Variants in COL6A1 observed in about 807,000 individuals in gnomAD.
COL6A1 encodes collagen alpha-1(VI) chain.
COL6A1 carries 80 observed loss-of-function variants against 145.6 expected under a neutral mutation model. The ratio of observed to expected loss-of-function variants is 0.55; its 90% CI spans 0.46 to 0.66. The LOEUF is 0.66. Among genes scored for constraint, COL6A1 ranks in the 30% least tolerant of loss-of-function variants. The pLI is 0.00. For missense variants in COL6A1, 1,364 were observed against 1,473.8 expected (o/e 0.93, Z 1.22); for synonymous variants, 638 against 622.8 (o/e 1.02, Z -0.36).
rs1003093879 is a variant in COL6A1 at position 45,982,087 on chromosome 21, C to T, written c.97+140C>T. 8.1e-6 allele frequency: 6 copies of T among 740,494 alleles called. No individual in the cohort carries two copies. In the African/African-American group the frequency reaches 8.8e-5, roughly 11 times the overall value. The allele number at this position is 740,494 out of a possible 1,614,324, so 45.9% of individuals were successfully genotyped here. A position where few individuals can be genotyped will look rare whatever the true frequency, so the allele number is the denominator to read the frequency against. On this transcript the variant is annotated intron_variant, in intron 1 of 34. Transcript: ENST00000361866. ...CCTGAACCCCACTCCCCGCTCGGGGCGGCTGCAGCGCCCAGCTCTGCCCCA... is the reference window on the plus strand; with the variant it reads ...CCTGAACCCCACTCCCCGCTCGGGGTGGCTGCAGCGCCCAGCTCTGCCCCA...
chr21:46,003,431 C>T lies in COL6A1; in HGVS notation c.2505C>T (p.Asp835=), dbSNP rs569497612. Residue 835 remains aspartate (D), a synonymous_variant, in exon 35 of 35, where the codon GAC becomes GAT. Coordinates refer to ENST00000361866, the MANE Select transcript of COL6A1 (RefSeq NM_001848.3). ...CGGCTGACATCACCATCCTGCTGGA[C>T]GGCTCCGCCAGCGTGGGCAGCCACA... is the stretch of plus-strand genomic sequence containing the variant. ...SSPADITILL[D]GSASVGSHNF... 23 of 1,602,998 alleles carry T rather than the reference C, an allele frequency of 1.4e-5. No homozygotes were observed. The highest frequency in any genetic ancestry group is 1.7e-4 in the Middle Eastern group (1 of 6,056).
At chr21:45,992,110 G>C (rs1287605210) in intron 16 of COL6A1, 38 bp downstream of exon 16, 1 of 1,613,510 alleles carries the variant, frequency 6.2e-7, no homozygotes, top group East Asian at 2.2e-5. Context: ...GCCAGGTATG[G>C]GCCCAGGGAG....
intron 2 of COL6A1, 123 bp from the exon 3 acceptor site, chr21:45,984,146 G>T: frequency 2.0e-6 from 2 of 1,013,170 alleles, no homozygotes; most frequent in Non-Finnish European, 3.0e-6. Flanking sequence ...GGCAAGTCCA[G>T]CTGTGTGTCA....
At chr21:45,984,965 AAG>A (rs1295920816) in intron 3 of COL6A1, among the ~76,000 whole-genome samples, 5 of 141,790 alleles carry the variant, frequency 3.5e-5, no homozygotes, top group African/African-American at 1.1e-4. Flanking sequence ...CAGAGACAGA[AAG>A]AGAGAGAGAC....
At chr21:45,988,256 G>T (rs545122339) in intron 8 of COL6A1, among the ~76,000 whole-genome samples, 1 of 24,946 alleles carries the variant, frequency 4.0e-5, no homozygotes, top group African/African-American at 1.8e-4. Context: ...GGAGGGGACG[G>T]CGGGGTCCAG....
In COL6A1 at chr21:45,990,186, T is replaced by C. The variant is rs2077766416; in HGVS notation, c.931-72T>C. The C allele has an allele frequency of 1.9e-6, 3 of 1,586,888 alleles. No homozygotes were observed. The East Asian group carries it at 6.7e-5, about 36-fold the overall frequency. On this transcript the variant is annotated intron_variant, in intron 11 of 34. Transcript: ENST00000361866. The stretch of plus-strand genomic sequence containing the variant: ...GGGGCACCCAAGCCCCTGCCTCGCG[T>C]GGGCCTAAGCCAGGCTTGCCCTGCC...
chr21:45,990,887 A>G lies in COL6A1; in HGVS notation c.1056+61A>G. Reference sequence around the variant, plus strand: ...GCGCTGTCAGCAGCACCTCGTGTGGACCGTTTTGACTTCTGTCTGGGCGGT... The same window carrying G: ...GCGCTGTCAGCAGCACCTCGTGTGGGCCGTTTTGACTTCTGTCTGGGCGGT... On this transcript the variant is annotated intron_variant, in intron 14 of 34. Coordinates refer to ENST00000361866, the MANE Select transcript of COL6A1 (RefSeq NM_001848.3). 8 of 1,609,184 alleles carry G rather than the reference A, an allele frequency of 5.0e-6. No homozygotes were observed. The Admixed American group carries it at 8.3e-5, about 17-fold the overall frequency.
intron 33 of COL6A1, 55 bp from the exon 34 acceptor site, chr21:46,003,065 G>T: frequency 6.8e-6 from 11 of 1,613,602 alleles, no homozygotes; most frequent in Non-Finnish European, 9.3e-6. Context: ...ACATCTCCTT[G>T]CGGGGTTATA....
chr21:45,999,734 A>G, intron 27 of COL6A1, 42 bp downstream of exon 27: 1 of 1,535,500 alleles, frequency 6.5e-7, no homozygotes, highest in Non-Finnish European at 8.8e-7. Flanking sequence ...CGACCACTGT[A>G]GCTTCCATCC....
rs761552447 is a variant in COL6A1, at chr21:45,989,578, G to A, written c.859-30G>A. 4.3e-6 allele frequency: 7 copies of A among 1,610,486 alleles called. No individual in the cohort carries two copies. The East Asian group carries it at 1.3e-4, about 31-fold the overall frequency. ...TGGCCCCTGCCCCTGCTCCTCCGGG[G>A]GTGTCTCACCATCTCCTCCTGTGTT... On this transcript the variant is annotated intron_variant, in intron 9 of 34. Coordinates refer to ENST00000361866, the MANE Select transcript of COL6A1 (RefSeq NM_001848.3).
At chr21:45,996,586 G>C (rs1194268638) in intron 20 of COL6A1, among the ~76,000 whole-genome samples, 1 of 151,978 alleles carries the variant, frequency 6.6e-6, no homozygotes. Flanking sequence ...GTCTGAGCAG[G>C]CACAGGCCAG....
rs998084541 is a variant in COL6A1, at chr21:46,001,588, C to T, written c.1956+202C>T. On this transcript the variant is annotated intron_variant, in intron 30 of 34. Coordinates refer to ENST00000361866, the MANE Select transcript of COL6A1 (RefSeq NM_001848.3). ...GCGAGGCTGGCCCATTGTACACAGG[C>T]GCCCCAGATGAGGGAGGGTCTCCCC... Among the ~76,000 whole-genome samples, 15 of 152,344 alleles carry T rather than the reference C, an allele frequency of 9.8e-5. No homozygotes were observed. The East Asian group carries it at 1.2e-3, about 12-fold the overall frequency.
At position 45,993,843 on chromosome 21, in the gene COL6A1, C is replaced by T. The variant is rs571022772; in HGVS notation, c.1336-324C>T. On this transcript the variant is annotated intron_variant, in intron 19 of 34. Coordinates refer to ENST00000361866, the MANE Select transcript of COL6A1 (RefSeq NM_001848.3). ...GGCCAGCCACGCAGCTCCAGCTTCC[C>T]GGCGGGCCACAAGTCCATGGCTACA... Among the ~76,000 whole-genome samples, 5 of 152,350 alleles carry T rather than the reference C, an allele frequency of 3.3e-5. No individual in the cohort carries two copies. The East Asian group carries it at 5.8e-4, about 18-fold the overall frequency.
chr21:45,991,178 A>T, intron 15 of COL6A1, 137 bp downstream of exon 15: 1 of 953,350 alleles, frequency 1.0e-6, no homozygotes, highest in Non-Finnish European at 1.7e-6. Context: ...GAGCTGGTGG[A>T]GGCTGGAGGC....
intron 34 of COL6A1, 33 bp from the exon 35 acceptor site, chr21:46,003,358 C>T (rs1296069483): frequency 1.2e-6 from 2 of 1,600,184 alleles, no homozygotes; most frequent in African/African-American, 2.7e-5. Flanking sequence ...TCACCAGGGC[C>T]TCATGCTAAC....
In COL6A1 at chr21:45,982,762, A is replaced by C. The variant is rs886043954; in HGVS notation, c.226A>C (p.Arg76=). The C allele has an allele frequency of 3.7e-6, 6 of 1,612,024 alleles. No individual in the cohort carries two copies. The highest frequency in any genetic ancestry group is 5.1e-6 in the Non-Finnish European group (6 of 1,179,864). The change falls in exon 2 of 35, where the codon AGG becomes CGG. Residue 76 remains arginine, a splice_region_variant and synonymous_variant. Transcript: ENST00000361866. ...GCGCTTCATCGACAACCTGAGGGAC[A>C]GGTAGGAGGGACGCCCCGTGACCTT... ...TKRFIDNLRD[R]YYRCDRNLVW...
rs1249194853 is a variant in COL6A1, at chr21:45,990,914, TG to T, written c.1057-61del. ...CGTTTTGACTTCTGTCTGGGCGGTC[TG>T]GGGCTGCTGCCAGAGGCCGCGGTGG... is the stretch of plus-strand genomic sequence containing the variant. On this transcript the variant is annotated intron_variant, in intron 14 of 34. Coordinates refer to ENST00000361866, the MANE Select transcript of COL6A1 (RefSeq NM_001848.3). The T allele has an allele frequency of 4.3e-6, 7 of 1,610,276 alleles. No homozygotes were observed. The African/African-American group carries it at 9.3e-5, about 22-fold the overall frequency.
intron 4 of COL6A1, 101 bp from the exon 5 acceptor site, chr21:45,986,843 C>T: frequency 6.5e-7 from 1 of 1,527,144 alleles, no homozygotes; most frequent in Non-Finnish European, 8.8e-7. Flanking sequence ...GCTGAGGAGC[C>T]TGGAGCGCCC....
intron 20 of COL6A1, among the ~76,000 whole-genome samples, chr21:45,997,079 A>G (rs188238761): frequency 0.01 from 1,493 of 149,104 alleles, 37 homozygotes; most frequent in African/African-American, 0.036. Context: ...CCAGCCGGGC[A>G]CTCACCGAAG....
Sources: gnomAD v4.1 joint callset for allele counts (sites outside exome capture counted in the v4.1 genomes callset) on GRCh38, gnomAD v4.1.1 for gene constraint, MANE v1.5 for transcripts, NCBI Gene and HGNC (gene_info 2026-07-23, HGNC 2026-07-21) for gene names.